The following ORC5 variants were observed in gnomAD, a reference collection of about 807,000 sequenced individuals.
ORC5 encodes the protein protein phosphatase 1, regulatory subunit 117.
A neutral mutation model predicts 58.8 loss-of-function variants in ORC5; 39 were observed. The observed-to-expected ratio is 0.66, with a 90% confidence interval of 0.51 to 0.87. The LOEUF is 0.87. ORC5 is among the 40% of genes least tolerant of loss of function. The probability of loss-of-function intolerance (pLI) is 0.00; values close to 1 mark genes in which losing one functional copy is unlikely to be tolerated. For missense variants in ORC5, 493 were observed against 506.3 expected, an observed-to-expected ratio of 0.97 and a Z score of 0.25; for synonymous variants, 218 against 177.6, an observed-to-expected ratio of 1.23 and a Z score of -1.81.
At chr7:104,144,337 T>C (rs905737082) in intron 12 of ORC5, among the ~76,000 whole-genome samples, 2 of 152,208 alleles carry the variant, frequency 1.3e-5, no homozygotes, top group African/African-American at 4.8e-5. Context: ...TAAAAATTAT[T>C]TCTATATATG....
chr7:104,137,162 G>A (rs1410293476), intron 12 of ORC5, among the ~76,000 whole-genome samples: 1 of 150,148 alleles, frequency 6.7e-6, no homozygotes, highest in African/African-American at 2.5e-5. Flanking sequence ...GAGTGGCATG[G>A]CTTGATCACA....
intron 8 of ORC5, among the ~76,000 whole-genome samples, chr7:104,179,673 G>T (rs1056993322): frequency 6.0e-5 from 9 of 150,608 alleles, no homozygotes; most frequent in Non-Finnish European, 1.2e-4. Context: ...CTGTTTCACA[G>T]TCTTCATTTA....
chr7:104,165,321 G>C, intron 10 of ORC5, 39 bp from the exon 11 acceptor site: 4 of 1,186,540 alleles, frequency 3.4e-6, no homozygotes, highest in Non-Finnish European at 3.7e-6. Context: ...TGAAAAGACA[G>C]TATTCCACAA....
chr7:104,160,140 T>C (rs1163147269), intron 12 of ORC5, among the ~76,000 whole-genome samples: 2 of 152,146 alleles, frequency 1.3e-5, no homozygotes, highest in Non-Finnish European at 2.9e-5. Context: ...CAATTTTCTA[T>C]ACATGCTGAC....
At chr7:104,150,669 A>G (rs1798829161) in intron 12 of ORC5, among the ~76,000 whole-genome samples, 1 of 152,198 alleles carries the variant, frequency 6.6e-6, no homozygotes, top group Admixed American at 6.5e-5. Context: ...ACTTTTTAGC[A>G]TGCAAACTGC....
At chr7:104,152,408 C>G (rs111671117) in intron 12 of ORC5, among the ~76,000 whole-genome samples, 1 of 152,048 alleles carries the variant, frequency 6.6e-6, no homozygotes, top group Non-Finnish European at 1.5e-5. Context: ...TCTCTCAAAG[C>G]GCTGGGATTA....
chr7:104,192,769 C>T (rs969321215), intron 5 of ORC5, among the ~76,000 whole-genome samples: 3 of 151,496 alleles, frequency 2.0e-5, no homozygotes, highest in African/African-American at 7.3e-5. Flanking sequence ...CATAAGTATG[C>T]TCATATGCTC....
At chr7:104,154,013 C>T (rs2115822796) in intron 12 of ORC5, among the ~76,000 whole-genome samples, 1 of 152,064 alleles carries the variant, frequency 6.6e-6, no homozygotes, top group Admixed American at 6.6e-5. Flanking sequence ...ATTTAAAGTG[C>T]TTTTGGTTAA....
Position 104,147,338 on chromosome 7 carries a change from A to C in ORC5, c.1150-10445T>G, listed in dbSNP as rs1485459013. On this transcript the variant is annotated intron_variant, in intron 12 of 13. Coordinates refer to ENST00000297431, the MANE Select transcript of ORC5 (RefSeq NM_002553.4). ...CTCTACAGCAAAGGAAGATTATAGC[A>C]AAAGTATTGCTATATAAATCCCAAC... Among the ~76,000 whole-genome samples, 3 of 152,180 alleles carry C rather than the reference A, an allele frequency of 2.0e-5. No individual in the cohort carries two copies. The East Asian group carries it at 5.8e-4, about 29-fold the overall frequency.
At chr7:104,170,388 C>T (rs1266687872) in intron 8 of ORC5, among the ~76,000 whole-genome samples, 1 of 152,166 alleles carries the variant, frequency 6.6e-6, no homozygotes, top group African/African-American at 2.4e-5. Flanking sequence ...ATAGACATTA[C>T]ACTGCATTAT....
intron 2 of ORC5, among the ~76,000 whole-genome samples, chr7:104,203,794 T>C (rs1254794315): frequency 6.6e-6 from 1 of 151,984 alleles, no homozygotes; most frequent in Non-Finnish European, 1.5e-5. Flanking sequence ...AGATTGCAAA[T>C]AAGAGGCTTA....
intron 5 of ORC5, among the ~76,000 whole-genome samples, 153 bp downstream of exon 5, chr7:104,194,990 A>AAATTCCCATTTGAATATCAAATTTAT (rs1272425271): frequency 4.6e-5 from 7 of 152,232 alleles, no homozygotes; most frequent in Admixed American, 3.9e-4. Context: ...TTTCAATATC[A>AAATTCCCATTTGAATATCAAATTTAT]AATTCCCATT....
chr7:104,196,281 G>C (rs555693060), intron 4 of ORC5, among the ~76,000 whole-genome samples: 2 of 152,224 alleles, frequency 1.3e-5, no homozygotes, highest in South Asian at 4.1e-4. Flanking sequence ...GTGAGTTCTA[G>C]AGCAAAGCAA....
At chr7:104,196,091 A>T (rs1799794816) in intron 4 of ORC5, among the ~76,000 whole-genome samples, 2 of 152,218 alleles carry the variant, frequency 1.3e-5, no homozygotes, top group Admixed American at 6.5e-5. Flanking sequence ...TTCAGCTGAG[A>T]TTACTCTAAA....
At chr7:104,203,532 G>A (rs1199322897) in intron 2 of ORC5, among the ~76,000 whole-genome samples, 1 of 152,200 alleles carries the variant, frequency 6.6e-6, no homozygotes, top group Non-Finnish European at 1.5e-5. Flanking sequence ...ACTGCAGAAA[G>A]CACTTTCCAT....
intron 8 of ORC5, among the ~76,000 whole-genome samples, chr7:104,178,054 A>G: frequency 6.6e-6 from 1 of 152,192 alleles, no homozygotes; most frequent in Admixed American, 6.5e-5. Context: ...TCTTTATAGT[A>G]GAATGATTTA....
At chr7:104,165,577 T>C (rs556246478) in intron 10 of ORC5, 2 of 225,230 alleles carry the variant, frequency 8.9e-6, no homozygotes, top group Non-Finnish European at 1.7e-5. Context: ...AGCATATACA[T>C]TGCTATAAAA....
chr7:104,139,491 C>T (rs1474928168), intron 12 of ORC5, among the ~76,000 whole-genome samples: 1 of 152,068 alleles, frequency 6.6e-6, no homozygotes, highest in Non-Finnish European at 1.5e-5. Flanking sequence ...AATTATCATG[C>T]AGTATTTAGT....
intron 2 of ORC5, 76 bp from the exon 3 acceptor site, chr7:104,201,034 C>T: frequency 7.9e-7 from 1 of 1,270,744 alleles, no homozygotes. Context: ...TGGATAGTCT[C>T]CATTTGCCTT....
Sources: allele counts gnomAD v4.1 joint callset (sites outside exome capture counted in the v4.1 genomes callset), GRCh38; gene constraint gnomAD v4.1.1; transcripts MANE v1.5; gene names NCBI Gene and HGNC (gene_info 2026-07-23, HGNC 2026-07-21).